LPP: variants seen among roughly 807,000 people sequenced by gnomAD.
LPP encodes the protein LIM domain containing preferred translocation partner in lipoma.
LPP carries 38 observed loss-of-function variants against 60.4 expected under a neutral mutation model. That is an observed-to-expected ratio of 0.63 (90% CI 0.49 to 0.83). The LOEUF is 0.83. Ranked by LOEUF, LPP falls within the 40% of genes least tolerant of loss-of-function variation. The pLI is 0.00. For missense variants in LPP, 902 were observed against 783.6 expected, an observed-to-expected ratio of 1.15 and a Z score of -1.80; for synonymous variants, 328 against 290.8, an observed-to-expected ratio of 1.13 and a Z score of -1.30.
chr3:188,465,799 A>G (rs1398532224), intron 4 of LPP, among the ~76,000 whole-genome samples: 1 of 152,000 alleles, frequency 6.6e-6, no homozygotes, highest in Non-Finnish European at 1.5e-5. Flanking sequence ...CCATGGTGGG[A>G]ATTTTCCGTC....
chr3:188,438,243 A>G (rs1792841879), intron 4 of LPP, among the ~76,000 whole-genome samples: 1 of 152,080 alleles, frequency 6.6e-6, no homozygotes, highest in African/African-American at 2.4e-5. Context: ...GGAACTGATT[A>G]TATTCCTGTG....
At chr3:188,395,678 C>T (rs1012447926) in intron 3 of LPP, among the ~76,000 whole-genome samples, 1 of 152,038 alleles carries the variant, frequency 6.6e-6, no homozygotes, top group Non-Finnish European at 1.5e-5. Flanking sequence ...TTAATCTCAG[C>T]AGTTTGGGAG....
At chr3:188,604,275 G>A (rs1272668502) in intron 6 of LPP, among the ~76,000 whole-genome samples, 1 of 151,988 alleles carries the variant, frequency 6.6e-6, no homozygotes, top group Non-Finnish European at 1.5e-5. Context: ...GGGATTTGTG[G>A]TATTGTGTTT....
At chr3:188,276,695 T>TTCTCTCTC (rs768545804) in intron 2 of LPP, among the ~76,000 whole-genome samples, 4 of 16,404 alleles carry the variant, frequency 2.4e-4, no homozygotes, top group East Asian at 6.2e-4. Context: ...CTCTCTCTCT[T>TTCTCTCTC]TCTCTCTCTC....
chr3:188,770,434 G>T (rs1035420867), intron 9 of LPP, among the ~76,000 whole-genome samples: 4 of 148,614 alleles, frequency 2.7e-5, no homozygotes, highest in Non-Finnish European at 4.4e-5. Flanking sequence ...CTCATGATCC[G>T]CCTGCCTTGG....
At chr3:188,723,024 G>T (rs939499384) in intron 8 of LPP, among the ~76,000 whole-genome samples, 2 of 152,072 alleles carry the variant, frequency 1.3e-5, no homozygotes, top group African/African-American at 4.8e-5. Context: ...GTGTTTTTTA[G>T]TCATTGTGTG....
intron 2 of LPP, among the ~76,000 whole-genome samples, chr3:188,313,140 G>GA (rs11339804): frequency 7.4e-5 from 11 of 149,528 alleles, no homozygotes; most frequent in Non-Finnish European, 7.5e-5. Flanking sequence ...TTAAAAAAAA[G>GA]AAAAAAAAAA....
At chr3:188,242,125 A>G (rs2149477506) in intron 2 of LPP, among the ~76,000 whole-genome samples, 1 of 152,298 alleles carries the variant, frequency 6.6e-6, no homozygotes, top group African/African-American at 2.4e-5. Context: ...GGTAATGTTT[A>G]AGGAATCCAC....
At chr3:188,427,045 C>T (rs554040832) in intron 4 of LPP, among the ~76,000 whole-genome samples, 88 of 152,074 alleles carry the variant, frequency 5.8e-4, no homozygotes, top group Non-Finnish European at 7.6e-4. Flanking sequence ...TTCATGGTGT[C>T]GATGGTCTTT....
intron 6 of LPP, among the ~76,000 whole-genome samples, chr3:188,590,136 T>G (rs1838348153): frequency 6.6e-6 from 1 of 152,160 alleles, no homozygotes; most frequent in Non-Finnish European, 1.5e-5. Flanking sequence ...TTGAAGCAGA[T>G]AAAATGTATG....
chr3:188,514,355 A>G (rs943814380), intron 5 of LPP, among the ~76,000 whole-genome samples: 1 of 151,206 alleles, frequency 6.6e-6, no homozygotes, highest in Non-Finnish European at 1.5e-5. Context: ...GTATGTTTGG[A>G]TTGTTAATAA....
intron 3 of LPP, among the ~76,000 whole-genome samples, chr3:188,384,530 G>A (rs182641497): frequency 5.0e-4 from 76 of 152,182 alleles, no homozygotes; most frequent in African/African-American, 1.8e-3. Flanking sequence ...AGTGGCTCAC[G>A]CCTGTAATCC....
At chr3:188,520,203 T>C (rs913191328) in intron 5 of LPP, among the ~76,000 whole-genome samples, 1 of 152,224 alleles carries the variant, frequency 6.6e-6, no homozygotes, top group Non-Finnish European at 1.5e-5. Context: ...AAAAATAACA[T>C]GTTCGAATGG....
chr3:188,705,414 T>C (rs1865288738), intron 7 of LPP, among the ~76,000 whole-genome samples: 1 of 152,144 alleles, frequency 6.6e-6, no homozygotes. Context: ...TCCTTGTTCC[T>C]CCTCTCAAAT....
At chr3:188,282,344 T>C (rs1010448298) in intron 2 of LPP, among the ~76,000 whole-genome samples, 3 of 152,052 alleles carry the variant, frequency 2.0e-5, no homozygotes, top group African/African-American at 4.8e-5. Context: ...ATACTGGAGG[T>C]TGTGATAACA....
At position 188,384,789 on chromosome 3, in the gene LPP, C is replaced by CAAA. The variant is rs561284077; in HGVS notation, c.-9-21289_-9-21287dup. 3.4e-3 allele frequency among the ~76,000 whole-genome samples: 174 copies of CAAA among 51,400 alleles called. 11 individuals are homozygous for CAAA. The highest frequency in any genetic ancestry group is 0.014 in the African/African-American group (171 of 12,556). 33.7% of individuals were successfully genotyped at this position (51,400 alleles called of 152,430 possible). A position where few individuals can be genotyped will look rare whatever the true frequency, so the allele number is the denominator to read the frequency against. ...TGGGCGACAGAGCGAGACTCTGTCTCAAAAAAAAAAAAAAAAAAAAAAAAA... is the reference window on the plus strand; with the variant it reads ...TGGGCGACAGAGCGAGACTCTGTCTCAAAAAAAAAAAAAAAAAAAAAAAAAAAA... On this transcript the variant is annotated intron_variant, in intron 3 of 11. Transcript: ENST00000617246.
At chr3:188,432,944 G>A (rs1370284006) in intron 4 of LPP, among the ~76,000 whole-genome samples, 2 of 152,130 alleles carry the variant, frequency 1.3e-5, no homozygotes, top group Non-Finnish European at 2.9e-5. Flanking sequence ...GACCTTTAAG[G>A]TATTCTGCCA....
intron 4 of LPP, among the ~76,000 whole-genome samples, chr3:188,452,548 A>G (rs2149360124): frequency 6.6e-6 from 1 of 152,292 alleles, no homozygotes; most frequent in South Asian, 2.1e-4. Flanking sequence ...ACGTGTATCG[A>G]AAAGGAAAAA....
chr3:188,537,975 G>T (rs1449257322), intron 6 of LPP, among the ~76,000 whole-genome samples: 1 of 152,152 alleles, frequency 6.6e-6, no homozygotes, highest in East Asian at 1.9e-4. Flanking sequence ...ACAGGGTGTT[G>T]TGACGTTCAA....
Sources: gnomAD v4.1 joint callset for allele counts (sites outside exome capture counted in the v4.1 genomes callset) on GRCh38, gnomAD v4.1.1 for gene constraint, MANE v1.5 for transcripts, NCBI Gene and HGNC (gene_info 2026-07-23, HGNC 2026-07-21) for gene names.